Variants in KCNQ2 observed in about 807,000 individuals in gnomAD.
KCNQ2 encodes the protein potassium voltage-gated channel subfamily Q member 2.
In KCNQ2, 14 loss-of-function variants were observed where a neutral mutation model predicts 84.8. The ratio of observed to expected loss-of-function variants is 0.17; its 90% CI spans 0.11 to 0.26. KCNQ2 has a LOEUF of 0.26. KCNQ2 is among the 10% of genes least tolerant of loss of function. KCNQ2 has a pLI of 1.00. For missense variants in KCNQ2, 788 were observed against 1,254.0 expected (o/e 0.63, Z 5.61); for synonymous variants, 599 against 554.1 (o/e 1.08, Z -1.14).
At chr20:63,420,105 T>C (rs2080421325) in intron 11 of KCNQ2, among the ~76,000 whole-genome samples, 1 of 152,182 alleles carries the variant, frequency 6.6e-6, no homozygotes, top group African/African-American at 2.4e-5. Context: ...GTTGTCCCGC[T>C]TTGCAAACCA....
At chr20:63,416,376 G>A (rs1260821134) in intron 12 of KCNQ2, among the ~76,000 whole-genome samples, 2 of 152,220 alleles carry the variant, frequency 1.3e-5, no homozygotes, top group African/African-American at 2.4e-5. Flanking sequence ...CGACAGTGAG[G>A]GGAGGGGAGG....
At chr20:63,442,806 TTAC>T (rs1568934597) in intron 4 of KCNQ2, among the ~76,000 whole-genome samples, 3 of 32,030 alleles carry the variant, frequency 9.4e-5, no homozygotes, top group Non-Finnish European at 1.3e-4. Flanking sequence ...ACCACCACCA[TTAC>T]CACCACCATC....
At position 63,433,766 on chromosome 20, in the gene KCNQ2, A is replaced by G; in HGVS notation, c.1118+43T>C. 1.9e-6 allele frequency: 3 copies of G among 1,613,712 alleles called. 1 individual carries two copies. In the South Asian group the frequency reaches 3.3e-5, roughly 18 times the overall value. ...GGGTTTAAGAACAAATGGAAAATAAAAAATGAAACAGTTGCTTGGTGGCAG... is the reference window on the plus strand; with the variant it reads ...GGGTTTAAGAACAAATGGAAAATAAGAAATGAAACAGTTGCTTGGTGGCAG... On this transcript the variant is annotated intron_variant, in intron 8 of 16. Coordinates refer to ENST00000359125, the MANE Select transcript of KCNQ2 (RefSeq NM_172107.4).
At chr20:63,443,197 C>T (rs1435757090) in intron 4 of KCNQ2, among the ~76,000 whole-genome samples, 46 of 122,042 alleles carry the variant, frequency 3.8e-4, no homozygotes, top group Middle Eastern at 5.7e-3. Context: ...ACCACCACCA[C>T]CACCATCACC....
In KCNQ2 at chr20:63,401,135, C is replaced by T. The variant is rs540113157; in HGVS notation, c.*5509G>A. 13 of 358,916 alleles carry T rather than the reference C, an allele frequency of 3.6e-5. No homozygotes were observed. In the South Asian group the frequency reaches 4.5e-4, roughly 12 times the overall value. 22.2% of individuals were successfully genotyped at this position (358,916 alleles called of 1,614,324 possible). ...TCTCCTCGGCCAGCCAGGGGCACCACGGCAAGTGTCCAAGCCCAGAGCACA... is the reference window on the plus strand; with the variant it reads ...TCTCCTCGGCCAGCCAGGGGCACCATGGCAAGTGTCCAAGCCCAGAGCACA... On this transcript the variant is annotated 3_prime_UTR_variant, in exon 17 of 17. Transcript: ENST00000359125.
At position 63,471,439 on chromosome 20, in the gene KCNQ2, C is replaced by G. The variant is rs549282702; in HGVS notation, c.296+729G>C. On this transcript the variant is annotated intron_variant, in intron 1 of 16. Coordinates refer to ENST00000359125, the MANE Select transcript of KCNQ2 (RefSeq NM_172107.4). Reference sequence around the variant, plus strand: ...CCCTTCCAGGCCCAGGGCTGGGGGTCCCAGGTCTGCCGCAGCCCCTCCCCC... The same window carrying G: ...CCCTTCCAGGCCCAGGGCTGGGGGTGCCAGGTCTGCCGCAGCCCCTCCCCC... 3.9e-5 allele frequency among the ~76,000 whole-genome samples: 6 copies of G among 152,340 alleles called. No individual in the cohort carries two copies. In the South Asian group the frequency reaches 1.2e-3, roughly 32 times the overall value.
At chr20:63,469,688 G>T (rs1314332554) in intron 1 of KCNQ2, among the ~76,000 whole-genome samples, 1 of 152,278 alleles carries the variant, frequency 6.6e-6, no homozygotes, top group South Asian at 2.1e-4. Context: ...GCAGCACAAG[G>T]AGCCCTGGCC....
At chr20:63,443,439 T>C (rs867536289) in intron 4 of KCNQ2, among the ~76,000 whole-genome samples, 472 of 23,758 alleles carry the variant, frequency 0.02, 5 homozygotes, top group Admixed American at 0.038. Context: ...ACCATCACCA[T>C]CACCACCACC....
chr20:63,444,910 G>C, intron 3 of KCNQ2, 76 bp from the exon 4 acceptor site: 1 of 1,439,896 alleles, frequency 6.9e-7, no homozygotes, highest in African/African-American at 1.4e-5. Context: ...CCCACCCCGC[G>C]TTCCAGGAGG....
At chr20:63,457,237 C>T (rs965773253) in intron 1 of KCNQ2, among the ~76,000 whole-genome samples, 2 of 152,252 alleles carry the variant, frequency 1.3e-5, no homozygotes, top group African/African-American at 4.8e-5. Flanking sequence ...CGTGGAGCCG[C>T]CTCATGCTGA....
Position 63,442,526 on chromosome 20 carries a change from C to A in KCNQ2, c.696G>T (p.Leu232=). ...GGAAGCCGATGTACCAGGCAGTGAC[C>A]AGCTCCTGAGAGGCAGACGGCACCA... ...GSVVYAHSKE[L]VTAWYIGFLC... The change falls in exon 5 of 17, where the codon CTG becomes CTT. Residue 232 remains leucine, a synonymous_variant. Coordinates refer to ENST00000359125, the MANE Select transcript of KCNQ2 (RefSeq NM_172107.4). The A allele has an allele frequency of 6.2e-7, 1 of 1,613,388 alleles. No individual in the cohort carries two copies. The highest frequency in any genetic ancestry group is 8.5e-7 in the Non-Finnish European group (1 of 1,179,864).
Position 63,407,034 on chromosome 20 carries a change from C to T in KCNQ2, c.2229G>A (p.Pro743=), listed in dbSNP as rs1481212168. 3.8e-5 allele frequency: 58 copies of T among 1,517,916 alleles called. No homozygotes were observed. Among genetic ancestry groups the T allele is most frequent in the Admixed American group, 6.1e-5 (3 of 49,426 alleles). 94.0% of individuals were successfully genotyped at this position (1,517,916 alleles called of 1,614,324 possible). The change falls in exon 17 of 17, where the codon CCG becomes CCA. Residue 743 remains proline (P), a synonymous_variant. Coordinates refer to ENST00000359125, the MANE Select transcript of KCNQ2 (RefSeq NM_172107.4). This position sits in a 1 kb window ranked among gnomAD's most constrained non-coding sequence, Gnocchi z 7.2. ...GCGACCGCTCGTGGGCAGGCGGCGG[C>T]GGGATGCGCACCAGGGAGCCGTGGT... ...VGDHGSLVRI[P]PPPAHERSLS...
intron 1 of KCNQ2, among the ~76,000 whole-genome samples, chr20:63,456,301 C>T (rs1402952278): frequency 2.6e-5 from 4 of 152,202 alleles, no homozygotes; most frequent in African/African-American, 9.7e-5. Flanking sequence ...GCTCCTCACT[C>T]GCTTCATGCA....
chr20:63,415,393 A>T (rs1330475238), intron 12 of KCNQ2, among the ~76,000 whole-genome samples: 1 of 18,882 alleles, frequency 5.3e-5, no homozygotes, highest in Non-Finnish European at 9.3e-5. Context: ...ACCCGGCGGG[A>T]GGGAGGGGGG....
chr20:63,407,161 A>G lies in KCNQ2; in HGVS notation c.2102T>C (p.Phe701Ser). 2 of 1,599,228 alleles carry G rather than the reference A, an allele frequency of 1.3e-6. No individual in the cohort carries two copies. Among genetic ancestry groups the G allele is most frequent in the Non-Finnish European group, 1.7e-6 (2 of 1,175,958 alleles). ...AGGGGGCGCGGCCGGGGGCGCCGAG[A>G]AGTTCTTCTGGCCCGTGGAGCTGCT... ...RSSSSTGQKN[F>S]SAPPAAPPVQ... is the part of the protein sequence containing the mutation. Residue 701 changes from phenylalanine (F) to serine (S), a missense_variant, in exon 17 of 17, where the codon TTC becomes TCC. Coordinates refer to ENST00000359125, the MANE Select transcript of KCNQ2 (RefSeq NM_172107.4). The surrounding 1 kb of genome is among the most constrained non-coding windows in gnomAD (Gnocchi z 7.2).
At chr20:63,428,089 C>T (rs2080683954) in intron 10 of KCNQ2, among the ~76,000 whole-genome samples, 1 of 152,196 alleles carries the variant, frequency 6.6e-6, no homozygotes, top group African/African-American at 2.4e-5. Context: ...CGCGCCTGGG[C>T]CCCATTAGGA....
chr20:63,429,150 TC>T (rs2080719482), intron 9 of KCNQ2, among the ~76,000 whole-genome samples: 1 of 149,514 alleles, frequency 6.7e-6, no homozygotes, highest in African/African-American at 2.5e-5. Context: ...GGGTGGGACG[TC>T]CCCCTCTTCA....
At chr20:63,442,752 T>TCACCATCACCAC (rs1600769949) in intron 4 of KCNQ2, among the ~76,000 whole-genome samples, 3 of 35,168 alleles carry the variant, frequency 8.5e-5, no homozygotes. Flanking sequence ...ATCACCACCA[T>TCACCATCACCAC]CACCATCACC....
rs371476112 is a variant in KCNQ2, at chr20:63,455,696, G to A, written c.297-8859C>T. ...GGGCCCCCACCGCCCAGTTAAGGCCGGACCACAGTCCTGGGGCCCCCACGC... is the reference window on the plus strand; with the variant it reads ...GGGCCCCCACCGCCCAGTTAAGGCCAGACCACAGTCCTGGGGCCCCCACGC... On this transcript the variant is annotated intron_variant, in intron 1 of 16. Coordinates refer to ENST00000359125, the MANE Select transcript of KCNQ2 (RefSeq NM_172107.4). Among the ~76,000 whole-genome samples, 454 of 151,962 alleles carry A rather than the reference G, an allele frequency of 3.0e-3. 5 individuals carry two copies. The highest frequency in any genetic ancestry group is 9.8e-3 in the African/African-American group (407 of 41,446).
Sources: allele counts gnomAD v4.1 joint callset (sites outside exome capture counted in the v4.1 genomes callset), GRCh38; gene constraint gnomAD v4.1.1; non-coding constraint Gnocchi (gnomAD v3.1); transcripts MANE v1.5; gene names NCBI Gene and HGNC (gene_info 2026-07-23, HGNC 2026-07-21).